COQ8A: variants seen among roughly 807,000 people sequenced by gnomAD.
The protein encoded by COQ8A is coenzyme Q8A, also known as atypical kinase COQ8A, mitochondrial.
A neutral mutation model predicts 65.0 loss-of-function variants in COQ8A; 51 were observed. The observed-to-expected ratio is 0.78, with a 90% CI of 0.63 to 0.99. The LOEUF is 0.99. Ranked by LOEUF, COQ8A falls within the 50% of genes least tolerant of loss-of-function variation. The probability of loss-of-function intolerance (pLI) is 0.00; values close to 1 mark genes in which losing one functional copy is unlikely to be tolerated. For missense variants in COQ8A, 940 were observed against 875.0 expected, an observed-to-expected ratio of 1.07 and a Z score of -0.94; for synonymous variants, 371 against 353.2, an observed-to-expected ratio of 1.05 and a Z score of -0.57.
In COQ8A at chr1:226,984,585, T is replaced by C; in HGVS notation, c.1436T>C (p.Leu479Pro). 6.2e-7 allele frequency: 1 copy of C among 1,614,152 alleles called. No homozygotes were observed. Among genetic ancestry groups the C allele is most frequent in the Non-Finnish European group, 8.5e-7 (1 of 1,180,002 alleles). ...YNILVLCLRE[L>P]FEFHFMQTDP... ...ATCCTGGTTCTGTGCCTGAGGGAGCTGTTCGAGTTCCACTTCATGCAAACA... is the reference window on the plus strand; with the variant it reads ...ATCCTGGTTCTGTGCCTGAGGGAGCCGTTCGAGTTCCACTTCATGCAAACA... The change falls in exon 12 of 15, where the codon CTG becomes CCG. Residue 479 changes from leucine to proline, a missense_variant. Leu to Pro is a moderately conservative substitution (Grantham distance 98, BLOSUM62 -3). Transcript: ENST00000366777.
intron 1 of COQ8A, among the ~76,000 whole-genome samples, chr1:226,943,920 C>T (rs931026371): frequency 2.3e-4 from 35 of 151,984 alleles, no homozygotes; most frequent in African/African-American, 8.0e-4. Flanking sequence ...GAAATGGGTT[C>T]GGTTGTTGAG....
intron 4 of COQ8A, among the ~76,000 whole-genome samples, chr1:226,976,381 T>C (rs1183299815): frequency 6.7e-6 from 1 of 150,212 alleles, no homozygotes; most frequent in East Asian, 2.0e-4. Context: ...GCTGCGGGGC[T>C]GTGGGACTGC....
chr1:226,961,545 T>G lies in COQ8A; in HGVS notation c.160T>G (p.Phe54Val). Residue 54 changes from phenylalanine to valine, a missense_variant, in exon 2 of 15, where the codon TTC becomes GTC. Coordinates refer to ENST00000366777, the MANE Select transcript of COQ8A (RefSeq NM_020247.5). ...QSTAVEQIGM[F>V]LGKVQGQDKH... is the part of the protein sequence containing the mutation. ...CACGGCTGTGGAGCAGATTGGCATG[T>G]TCTTGGGGAAGGTGCAGGTAAGGGG... 1 of 1,612,398 alleles carries G rather than the reference T, an allele frequency of 6.2e-7. No individual in the cohort carries two copies. Among genetic ancestry groups the G allele is most frequent in the South Asian group, 1.1e-5 (1 of 91,042 alleles).
intron 2 of COQ8A, among the ~76,000 whole-genome samples, chr1:226,963,117 C>T (rs1350694383): frequency 6.6e-6 from 1 of 152,208 alleles, no homozygotes; most frequent in Non-Finnish European, 1.5e-5. Context: ...GGGCCTCCTA[C>T]TCGGGCACTC....
intron 1 of COQ8A, among the ~76,000 whole-genome samples, chr1:226,952,115 G>A (rs1466731240): frequency 1.3e-5 from 2 of 152,200 alleles, no homozygotes; most frequent in African/African-American, 2.4e-5. Flanking sequence ...AGGCAGACCC[G>A]CTGCTTGTTC....
chr1:226,976,938 C>T (rs1234675037), intron 4 of COQ8A, among the ~76,000 whole-genome samples: 1 of 152,192 alleles, frequency 6.6e-6, no homozygotes, highest in Non-Finnish European at 1.5e-5. Flanking sequence ...AAAGTGTTCT[C>T]ACTCTCACCA....
intron 2 of COQ8A, 102 bp from the exon 3 acceptor site, chr1:226,964,898 G>T (rs917675030): frequency 1.5e-6 from 2 of 1,358,990 alleles, no homozygotes; most frequent in Non-Finnish European, 1.0e-6. Context: ...GGTGGGAGGG[G>T]GCGGGATGCT....
At chr1:226,975,598 A>G (rs904924978) in intron 4 of COQ8A, among the ~76,000 whole-genome samples, 1 of 152,258 alleles carries the variant, frequency 6.6e-6, no homozygotes, top group African/African-American at 2.4e-5. Flanking sequence ...TGTGGCTGCT[A>G]GAAAAGTAAC....
intron 1 of COQ8A, among the ~76,000 whole-genome samples, chr1:226,954,106 G>A (rs1379087007): frequency 6.6e-6 from 1 of 152,254 alleles, no homozygotes; most frequent in Admixed American, 6.5e-5. Flanking sequence ...AGGGTATCCT[G>A]AATATCATTA....
chr1:226,953,862 C>T (rs1657531393), intron 1 of COQ8A, among the ~76,000 whole-genome samples: 1 of 152,206 alleles, frequency 6.6e-6, no homozygotes, highest in Non-Finnish European at 1.5e-5. Context: ...TCTAAAGAGA[C>T]TCATGGAGTT....
intron 4 of COQ8A, among the ~76,000 whole-genome samples, chr1:226,971,092 C>T (rs1437978129): frequency 1.3e-5 from 2 of 151,902 alleles, no homozygotes; most frequent in Non-Finnish European, 2.9e-5. Flanking sequence ...AGGTGCATGC[C>T]ACCACACCCA....
chr1:226,982,724 G>T lies in COQ8A; in HGVS notation c.900G>T (p.Val300=). ...NPHLAKIFER[V]RQSADFMPLK... ...ACCTGGCTAAGATCTTCGAGCGGGT[G>T]CGGCAGAGCGCGGACTTCATGCCAC... The change falls in exon 7 of 15, where the codon GTG becomes GTT. Residue 300 remains valine (V), a synonymous_variant. Coordinates refer to ENST00000366777, the MANE Select transcript of COQ8A (RefSeq NM_020247.5). 1 of 1,613,704 alleles carries T rather than the reference G, an allele frequency of 6.2e-7. No individual in the cohort carries two copies. Among genetic ancestry groups the T allele is most frequent in the African/African-American group, 1.3e-5 (1 of 75,066 alleles).
At chr1:226,977,583 G>A in intron 5 of COQ8A, 60 bp downstream of exon 5, 1 of 1,506,852 alleles carries the variant, frequency 6.6e-7, no homozygotes, top group East Asian at 2.5e-5. Context: ...GAGCCTGTCA[G>A]CCCCCAGCCC....
intron 4 of COQ8A, among the ~76,000 whole-genome samples, chr1:226,977,210 T>TGTGGA (rs1659291211): frequency 6.6e-6 from 1 of 152,088 alleles, no homozygotes; most frequent in South Asian, 2.1e-4. Context: ...AAGGTGATGG[T>TGTGGA]GTGGAGTGGG....
At chr1:226,961,351 C>A in intron 1 of COQ8A, 26 bp from the exon 2 acceptor site, 1 of 1,612,936 alleles carries the variant, frequency 6.2e-7, no homozygotes, top group South Asian at 1.1e-5. Flanking sequence ...CTGGGGCCTC[C>A]CCTGACTTGG....
chr1:226,983,671 G>A (rs756830028), intron 9 of COQ8A, 38 bp downstream of exon 9: 1 of 1,612,668 alleles, frequency 6.2e-7, no homozygotes, highest in South Asian at 1.1e-5. Context: ...GCAGGAGTGG[G>A]TGGCAGGCAT....
At chr1:226,982,202 T>TC (rs1659744429) in intron 6 of COQ8A, 53 bp downstream of exon 6, 1 of 1,537,900 alleles carries the variant, frequency 6.5e-7, no homozygotes, top group African/African-American at 1.4e-5. Flanking sequence ...GCTGGGGGGG[T>TC]CAACTTCCAG....
rs1660138736 is a variant in COQ8A, at chr1:226,986,668, C to T, written c.1875C>T (p.Ala625=). The T allele has an allele frequency of 6.2e-7, 1 of 1,613,986 alleles. No individual in the cohort carries two copies. The highest frequency in any genetic ancestry group is 1.3e-5 in the African/African-American group (1 of 74,930). ...TCCTCATCTGCTCCAAGCTGAAGGCCCGCTTCCCCTGCAAGGCCATGTTCG... is the reference window on the plus strand; with the variant it reads ...TCCTCATCTGCTCCAAGCTGAAGGCTCGCTTCCCCTGCAAGGCCATGTTCG... The part of the protein sequence containing the change: ...GSFLICSKLK[A]RFPCKAMFEE... The change falls in exon 15 of 15, where the codon GCC becomes GCT. Residue 625 remains alanine (A), a synonymous_variant. Transcript: ENST00000366777.
At chr1:226,942,513 T>C (rs1656769284) in intron 1 of COQ8A, among the ~76,000 whole-genome samples, 1 of 152,112 alleles carries the variant, frequency 6.6e-6, no homozygotes, top group African/African-American at 2.4e-5. Flanking sequence ...AGTTTTAAAA[T>C]AGGAAACATG....
Sources: gnomAD v4.1 joint callset for allele counts (sites outside exome capture counted in the v4.1 genomes callset) on GRCh38, gnomAD v4.1.1 for gene constraint, MANE v1.5 for transcripts, NCBI Gene and HGNC (gene_info 2026-07-23, HGNC 2026-07-21) for gene names.